Variants in TAX1BP1 observed in about 807,000 individuals in gnomAD.
TAX1BP1 encodes the protein tax1-binding protein 1.
Under a neutral mutation model 97.7 loss-of-function variants are expected in TAX1BP1, and 62 were observed. That is an observed-to-expected ratio of 0.63 (90% CI 0.52 to 0.78). The LOEUF (loss-of-function observed/expected upper bound fraction) is 0.78. Among genes scored for constraint, TAX1BP1 ranks in the 30% least tolerant of loss-of-function variants. TAX1BP1 has a pLI of 0.00. For missense variants in TAX1BP1, 867 were observed against 916.1 expected, an observed-to-expected ratio of 0.95 and a Z score of 0.69; for synonymous variants, 340 against 304.2, an observed-to-expected ratio of 1.12 and a Z score of -1.23.
Position 27,796,150 on chromosome 7 carries a change from A to G in TAX1BP1, c.1569A>G (p.Gln523=), listed in dbSNP as rs1400613934. The G allele has an allele frequency of 3.7e-6, 6 of 1,605,478 alleles. No homozygotes were observed. In the Admixed American group the frequency reaches 6.9e-5, roughly 19 times the overall value. The part of the protein sequence containing the change: ...EADFDIVTKG[Q]VCEMTKEIAD... ...ATTTTGACATAGTAACAAAGGGGCAAGTCTGTGAAATGACCAAAGAAATTG... is the reference window on the plus strand; with the variant it reads ...ATTTTGACATAGTAACAAAGGGGCAGGTCTGTGAAATGACCAAAGAAATTG... The change falls in exon 12 of 17, where the codon CAA becomes CAG. Residue 523 remains glutamine (Q), a synonymous_variant. Transcript: ENST00000396319.
At chr7:27,758,440 A>G in intron 3 of TAX1BP1, 1 of 179,450 alleles carries the variant, frequency 5.6e-6, no homozygotes, top group Admixed American at 6.1e-5. Flanking sequence ...GTAATAACAG[A>G]TATTAGAATA....
chr7:27,808,943 C>T (rs1333438304), intron 13 of TAX1BP1, among the ~76,000 whole-genome samples: 2 of 151,972 alleles, frequency 1.3e-5, no homozygotes, highest in Non-Finnish European at 2.9e-5. Flanking sequence ...TTTCTAGAAC[C>T]CTTTGATATT....
intron 13 of TAX1BP1, among the ~76,000 whole-genome samples, chr7:27,810,920 T>C (rs1790534866): frequency 6.6e-6 from 1 of 152,094 alleles, no homozygotes; most frequent in Non-Finnish European, 1.5e-5. Flanking sequence ...TTAGGATCCA[T>C]CTCAAATGGC....
Position 27,765,984 on chromosome 7 carries a change from A to C in TAX1BP1, c.416A>C (p.Asp139Ala). The C allele has an allele frequency of 6.2e-7, 1 of 1,614,150 alleles. No homozygotes were observed. Among genetic ancestry groups the C allele is most frequent in the South Asian group, 1.1e-5 (1 of 91,074 alleles). ...ACTATGGAAGATGAAGGAAATTCTG[A>C]CATGTTAGTGGTGACCACAAAAGCA... ...LLTMEDEGNS[D>A]MLVVTTKAGL... is the part of the protein sequence containing the mutation. The change falls in exon 4 of 17, where the codon GAC becomes GCC. Residue 139 changes from aspartate to alanine, a missense_variant. Coordinates refer to ENST00000396319, the MANE Select transcript of TAX1BP1 (RefSeq NM_006024.7).
At position 27,805,333 on chromosome 7, in the gene TAX1BP1, T is replaced by C. The variant is rs971844707; in HGVS notation, c.1764+5243T>C. On this transcript the variant is annotated intron_variant, in intron 13 of 16. Transcript: ENST00000396319. ...TCTGATTTTTGGTTTGTTTTACTTA[T>C]CTTGTTATATATATATTTTTCCCCT... Among the ~76,000 whole-genome samples, 33 of 152,236 alleles carry C rather than the reference T, an allele frequency of 2.2e-4. 1 individual carries two copies. Among genetic ancestry groups the C allele is most frequent in the African/African-American group, 7.2e-4 (30 of 41,472 alleles).
At chr7:27,764,148 C>T (rs1402037273) in intron 3 of TAX1BP1, among the ~76,000 whole-genome samples, 2 of 152,196 alleles carry the variant, frequency 1.3e-5, no homozygotes, top group Non-Finnish European at 2.9e-5. Flanking sequence ...AATAGTTTAA[C>T]AGTGGTACAG....
Position 27,769,842 on chromosome 7 carries a change from G to T in TAX1BP1, c.612+8G>T. The T allele has an allele frequency of 6.2e-7, 1 of 1,611,064 alleles. No individual in the cohort carries two copies. Among genetic ancestry groups the T allele is most frequent in the African/African-American group, 1.3e-5 (1 of 74,940 alleles). On this transcript the variant is annotated splice_region_variant and intron_variant, in intron 5 of 16. Transcript: ENST00000396319. ...CTGCAAGCAGAACAAAAGGTTAGTT[G>T]TGTCTTATGTAACTGATTGAAGTTG...
intron 1 of TAX1BP1, among the ~76,000 whole-genome samples, chr7:27,741,812 G>A (rs1461979871): frequency 6.6e-6 from 1 of 152,150 alleles, no homozygotes; most frequent in Non-Finnish European, 1.5e-5. Flanking sequence ...CAGCCTCTGA[G>A]TTCCCTTAGT....
In TAX1BP1 at chr7:27,816,988, G is replaced by T; in HGVS notation, c.2035G>T (p.Ala679Ser). Reference protein sequence around the residue: ...LEDNVVCSQPARNFSRPDGLE... With the variant: ...LEDNVVCSQPSRNFSRPDGLE... ...AGACAATGTTGTCTGCAGCCAGCCT[G>T]CTCGAAACTTTAGTCGGCCTGATGG... The change falls in exon 15 of 17, where the codon GCT (alanine) becomes TCT (serine). Residue 679 changes from alanine to serine, a missense_variant. Transcript: ENST00000396319. 2 of 1,613,968 alleles carry T rather than the reference G, an allele frequency of 1.2e-6. No homozygotes were observed. Among genetic ancestry groups the T allele is most frequent in the South Asian group, 2.2e-5 (2 of 91,064 alleles).
chr7:27,800,052 G>A lies in TAX1BP1; in HGVS notation c.1726G>A (p.Val576Ile). Residue 576 changes from valine (V) to isoleucine (I), a missense_variant, in exon 13 of 17, where the codon GTA (valine) becomes ATA (isoleucine). Val to Ile is a conservative substitution (Grantham distance 29, BLOSUM62 3). Transcript: ENST00000396319. The stretch of plus-strand genomic sequence containing the variant: ...AGAACAAGTGAAAATTGCTGAAAAT[G>A]TAAAACTTGAACTAGCTGAAGTACA... ...WKEQVKIAEN[V>I]KLELAEVQDN... 2 of 1,597,842 alleles carry A rather than the reference G, an allele frequency of 1.3e-6. No individual in the cohort carries two copies. The highest frequency in any genetic ancestry group is 1.7e-6 in the Non-Finnish European group (2 of 1,172,332).
chr7:27,792,096 C>T lies in TAX1BP1; in HGVS notation c.1129C>T (p.Leu377Phe). Residue 377 changes from leucine (L) to phenylalanine (F), a missense_variant, in exon 9 of 17, where the codon CTC (leucine) becomes TTC (phenylalanine). By Grantham distance (22) the Leu-to-Phe change is conservative. This residue lies in a region of TAX1BP1 where 822 missense variants were observed against 851.4 expected (regional missense o/e 0.97). Coordinates refer to ENST00000396319, the MANE Select transcript of TAX1BP1 (RefSeq NM_006024.7). ...AGAAGTTGTCTTTCTGGCTAAAGAA[C>T]TCAGTGATGCTGTCAACGTACGAGA... The part of the protein sequence containing the change: ...RQEVVFLAKE[L>F]SDAVNVRDRT... 6.2e-7 allele frequency: 1 copy of T among 1,614,054 alleles called. No homozygotes were observed. The highest frequency in any genetic ancestry group is 8.5e-7 in the Non-Finnish European group (1 of 1,180,026).
chr7:27,769,180 A>G (rs1052679517), intron 4 of TAX1BP1, among the ~76,000 whole-genome samples: 1 of 151,820 alleles, frequency 6.6e-6, no homozygotes, highest in African/African-American at 2.4e-5. Context: ...TATAGAAACT[A>G]TACATTTCTT....
intron 3 of TAX1BP1, among the ~76,000 whole-genome samples, chr7:27,759,152 CAG>C (rs1788334348): frequency 6.6e-6 from 1 of 151,880 alleles, no homozygotes; most frequent in African/African-American, 2.4e-5. Flanking sequence ...GACTCTGTCT[CAG>C]AATAATATTT....
chr7:27,759,855 CTTT>C (rs777663697), intron 3 of TAX1BP1, among the ~76,000 whole-genome samples: 7 of 139,134 alleles, frequency 5.0e-5, no homozygotes, highest in Non-Finnish European at 9.5e-5. Context: ...TTTTGTAAAT[CTTT>C]TTTTTTTTTT....
intron 12 of TAX1BP1, among the ~76,000 whole-genome samples, chr7:27,797,059 G>A (rs1023305351): frequency 1.3e-5 from 2 of 150,580 alleles, no homozygotes; most frequent in Middle Eastern, 3.2e-3. Flanking sequence ...TTGCAGTGGC[G>A]TGATCTCAGC....
In TAX1BP1 at chr7:27,792,198, G is replaced by A; in HGVS notation, c.1231G>A (p.Glu411Lys). ...VKKQLADAVAELKLNAMKKDQ... is the reference protein window; with the variant it reads ...VKKQLADAVAKLKLNAMKKDQ... ...AAAGCAGTTAGCTGATGCAGTGGCA[G>A]AACTTAAACTAAATGCTATGAAAAA... Residue 411 changes from glutamate (E) to lysine (K), a missense_variant, in exon 9 of 17, where the codon GAA (glutamate) becomes AAA (lysine). This residue lies in a region of TAX1BP1 where 822 missense variants were observed against 851.4 expected (regional missense o/e 0.97). Coordinates refer to ENST00000396319, the MANE Select transcript of TAX1BP1 (RefSeq NM_006024.7). 6.2e-7 allele frequency: 1 copy of A among 1,613,014 alleles called. No homozygotes were observed. The highest frequency in any genetic ancestry group is 1.3e-5 in the African/African-American group (1 of 74,994).
chr7:27,760,174 C>T (rs1456824099), intron 3 of TAX1BP1, among the ~76,000 whole-genome samples: 2 of 151,384 alleles, frequency 1.3e-5, no homozygotes. Context: ...AAAATGAAAC[C>T]CCAAATCATT....
chr7:27,794,481 C>T, intron 11 of TAX1BP1, 35 bp downstream of exon 11: 1 of 1,553,786 alleles, frequency 6.4e-7, no homozygotes, highest in Non-Finnish European at 8.7e-7. Context: ...GTAGGGTGTC[C>T]TACATTGAAA....
chr7:27,793,265 C>T lies in TAX1BP1; in HGVS notation c.1410+53C>T, dbSNP rs578036428. 116 of 1,443,534 alleles carry T rather than the reference C, an allele frequency of 8.0e-5. No homozygotes were observed. The Admixed American group carries it at 1.3e-3, about 16-fold the overall frequency. The allele number at this position is 1,443,534 out of a possible 1,614,324, so 89.4% of individuals were successfully genotyped here. A position where few individuals can be genotyped will look rare whatever the true frequency, so the allele number is the denominator to read the frequency against. On this transcript the variant is annotated intron_variant, in intron 10 of 16. Transcript: ENST00000396319. ...AAAATGTGTTGTTAGTATTTTTGTT[C>T]GAAAATCAAATTTGTAATATTCCAA...
Sources: gnomAD v4.1 joint callset for allele counts (sites outside exome capture counted in the v4.1 genomes callset) on GRCh38, gnomAD v4.1.1 for gene constraint, gnomAD v4.1.1 regional missense constraint, MANE v1.5 for transcripts, NCBI Gene and HGNC (gene_info 2026-07-23, HGNC 2026-07-21) for gene names.